The following TBC1D2 variants were observed in gnomAD, a reference collection of about 807,000 sequenced individuals.
TBC1D2 encodes TBC1 domain family member 2A.
TBC1D2 carries 58 observed loss-of-function variants against 91.1 expected under a neutral mutation model. The ratio of observed to expected loss-of-function variants is 0.64; its 90% CI spans 0.52 to 0.79. TBC1D2 has a LOEUF of 0.79. TBC1D2 is among the 30% of genes least tolerant of loss of function. TBC1D2 has a pLI of 0.00. For missense variants in TBC1D2, 1,080 were observed against 1,208.3 expected (o/e 0.89, Z 1.57); for synonymous variants, 482 against 511.5 (o/e 0.94, Z 0.78).
In TBC1D2 at chr9:98,228,886, T is replaced by A; in HGVS notation, c.978+66A>T. On this transcript the variant is annotated intron_variant, in intron 5 of 12. Transcript: ENST00000465784. The surrounding 1 kb of genome is among the most constrained non-coding windows in gnomAD (Gnocchi z 4.0). ...CGGCTAATGCGTCCCATCTAGCTTATCCGAAAGGCTCCAGGAACTGGAGGG... is the reference window on the plus strand; with the variant it reads ...CGGCTAATGCGTCCCATCTAGCTTAACCGAAAGGCTCCAGGAACTGGAGGG... 1 of 1,519,994 alleles carries A rather than the reference T, an allele frequency of 6.6e-7. No homozygotes were observed. The highest frequency in any genetic ancestry group is 9.0e-7 in the Non-Finnish European group (1 of 1,114,118). The allele number at this position is 1,519,994 out of a possible 1,614,324, so 94.2% of individuals were successfully genotyped here.
intron 12 of TBC1D2, among the ~76,000 whole-genome samples, chr9:98,200,025 G>T (rs1433594644): frequency 2.6e-5 from 4 of 152,170 alleles, no homozygotes; most frequent in African/African-American, 9.7e-5. Flanking sequence ...GGGTGTTCAG[G>T]GTAGGGGAAG....
chr9:98,199,545 T>C lies in TBC1D2; in HGVS notation c.2623A>G (p.Met875Val), dbSNP rs954279608. Reference sequence around the variant, plus strand: ...ATGCGCAGCTGCCGCAGCTGTTTCATGCGGAAGGGGTTCATGTCATTGAAG... The same window carrying C: ...ATGCGCAGCTGCCGCAGCTGTTTCACGCGGAAGGGGTTCATGTCATTGAAG... ...IAFNDMNPFR[M>V]KQLRQLRMVH... is the part of the protein sequence containing the mutation. The change falls in exon 13 of 13, where the codon ATG (methionine) becomes GTG (valine). Residue 875 changes from methionine to valine, a missense_variant. Transcript: ENST00000465784. 4 of 1,614,008 alleles carry C rather than the reference T, an allele frequency of 2.5e-6. No homozygotes were observed. Among genetic ancestry groups the C allele is most frequent in the Middle Eastern group, 1.6e-4 (1 of 6,084 alleles).
chr9:98,232,360 G>A (rs186789533), intron 4 of TBC1D2, among the ~76,000 whole-genome samples: 6 of 34,658 alleles, frequency 1.7e-4, no homozygotes, highest in Admixed American at 9.9e-4. Flanking sequence ...TTTTGACAGT[G>A]TCTCACTCTG....
At chr9:98,205,139 G>A (rs564154519) in intron 9 of TBC1D2, among the ~76,000 whole-genome samples, 1 of 152,326 alleles carries the variant, frequency 6.6e-6, no homozygotes, top group East Asian at 1.9e-4. Context: ...TGGTGGCAGA[G>A]TGGAAACAGA....
At chr9:98,240,559 C>T (rs1471054292) in intron 3 of TBC1D2, among the ~76,000 whole-genome samples, 1 of 152,186 alleles carries the variant, frequency 6.6e-6, no homozygotes, top group Non-Finnish European at 1.5e-5. Context: ...CCACAAGTCA[C>T]ATGAGTTGGA....
In TBC1D2 at chr9:98,228,896, T is replaced by C; in HGVS notation, c.978+56A>G. The C allele has an allele frequency of 6.4e-7, 1 of 1,561,738 alleles. No individual in the cohort carries two copies. The highest frequency in any genetic ancestry group is 8.7e-7 in the Non-Finnish European group (1 of 1,144,580). On this transcript the variant is annotated intron_variant, in intron 5 of 12. Transcript: ENST00000465784. This position sits in a 1 kb window ranked among gnomAD's most constrained non-coding sequence, Gnocchi z 4.0. Reference sequence around the variant, plus strand: ...GTCCCATCTAGCTTATCCGAAAGGCTCCAGGAACTGGAGGGGTCCACTGGA... The same window carrying C: ...GTCCCATCTAGCTTATCCGAAAGGCCCCAGGAACTGGAGGGGTCCACTGGA...
rs777536510 is a variant in TBC1D2 at position 98,233,513 on chromosome 9, G to T, written c.684C>A (p.Ala228=). 30 of 1,614,116 alleles carry T rather than the reference G, an allele frequency of 1.9e-5. 1 individual carries two copies. The East Asian group carries it at 6.7e-4, about 36-fold the overall frequency. ...TMHNIRGNKQ[A]QGTGHEPPGE... ...CTGGAGGTTCATGGCCTGTTCCCTG[G>T]GCCTGCTTGTTGCCACGGATGTTGT... Residue 228 remains alanine (A), a synonymous_variant, in exon 4 of 13, where the codon GCC becomes GCA. Transcript: ENST00000465784.
chr9:98,220,681 T>C (rs1588043507), intron 6 of TBC1D2, 152 bp downstream of exon 6: 1 of 1,014,170 alleles, frequency 9.9e-7, no homozygotes, highest in East Asian at 2.5e-5. Context: ...AGAGCAATAT[T>C]CCCATCAACA....
Position 98,228,357 on chromosome 9 carries a change from G to A in TBC1D2, c.978+595C>T, listed in dbSNP as rs1251781265. Among the ~76,000 whole-genome samples the A allele has an allele frequency of 6.6e-6, 1 of 152,248 alleles. No homozygotes were observed. The highest frequency in any genetic ancestry group is 2.4e-5 in the African/African-American group (1 of 41,462). On this transcript the variant is annotated intron_variant, in intron 5 of 12. Transcript: ENST00000465784. The surrounding 1 kb of genome is among the most constrained non-coding windows in gnomAD (Gnocchi z 4.0). ...CTCTGGGATGTAGGATTTTGGAGTA[G>A]TTTTAATGTCTGTGTGTATGAGATC...
chr9:98,202,055 T>C (rs1449853175), intron 10 of TBC1D2, among the ~76,000 whole-genome samples: 3 of 152,202 alleles, frequency 2.0e-5, no homozygotes, highest in African/African-American at 7.2e-5. Flanking sequence ...AATGGAAGCT[T>C]TGTCTCTAGG....
At chr9:98,224,022 ACC>A (rs1199854510) in intron 5 of TBC1D2, among the ~76,000 whole-genome samples, 2 of 151,710 alleles carry the variant, frequency 1.3e-5, no homozygotes, top group African/African-American at 4.8e-5. Flanking sequence ...ACATGGTGAA[ACC>A]CCGTCTCTAC....
chr9:98,212,657 A>G (rs1312913882), intron 7 of TBC1D2, among the ~76,000 whole-genome samples: 1 of 152,126 alleles, frequency 6.6e-6, no homozygotes, highest in African/African-American at 2.4e-5. Context: ...GCCCGCCACC[A>G]TGCCCGGCTA....
At chr9:98,206,139 G>A (rs1325329120) in intron 9 of TBC1D2, among the ~76,000 whole-genome samples, 1 of 151,706 alleles carries the variant, frequency 6.6e-6, no homozygotes, top group Non-Finnish European at 1.5e-5. Flanking sequence ...TGTATTTTTA[G>A]TAGAGACAAG....
chr9:98,225,464 G>A (rs1829209167), intron 5 of TBC1D2, among the ~76,000 whole-genome samples: 1 of 152,126 alleles, frequency 6.6e-6, no homozygotes, highest in Non-Finnish European at 1.5e-5. Context: ...GTCTCATAGT[G>A]GGCCTCACCA....
chr9:98,245,991 G>T (rs766694897), intron 2 of TBC1D2, among the ~76,000 whole-genome samples: 94 of 152,312 alleles, frequency 6.2e-4, no homozygotes, highest in Admixed American at 1.9e-3. Flanking sequence ...TCTTCCAAAT[G>T]TTCTGTTTAA....
chr9:98,208,668 C>G lies in TBC1D2; in HGVS notation c.2150G>C (p.Arg717Thr). 6.6e-7 allele frequency: 1 copy of G among 1,517,242 alleles called. No homozygotes were observed. Among genetic ancestry groups the G allele is most frequent in the Non-Finnish European group, 8.8e-7 (1 of 1,131,516 alleles). The allele number at this position is 1,517,242 out of a possible 1,614,324, so 94.0% of individuals were successfully genotyped here. Reference sequence around the variant, plus strand: ...CCTTCACTGGGCTTTGGTGGCTTACCTGTTCAGGCCCTGGCAGTAGCCGAT... The same window carrying G: ...CCTTCACTGGGCTTTGGTGGCTTACGTGTTCAGGCCCTGGCAGTAGCCGAT... ...PTIGYCQGLN[R>T]LAAIALLVLE... is the part of the protein sequence containing the mutation. The change falls in exon 9 of 13, where the codon AGG becomes ACG. Residue 717 changes from arginine to threonine, a missense_variant and splice_region_variant. Physicochemically the swap from Arg to Thr is moderately conservative, Grantham distance 71 (BLOSUM62 -1). Coordinates refer to ENST00000465784, the MANE Select transcript of TBC1D2 (RefSeq NM_001267571.2).
intron 9 of TBC1D2, among the ~76,000 whole-genome samples, chr9:98,206,756 C>G (rs1480034837): frequency 1.3e-5 from 2 of 152,224 alleles, no homozygotes; most frequent in Non-Finnish European, 2.9e-5. Context: ...CAGACCCTCT[C>G]ATGTCTCATC....
chr9:98,219,958 C>G (rs1272786546), intron 6 of TBC1D2, among the ~76,000 whole-genome samples: 1 of 152,170 alleles, frequency 6.6e-6, no homozygotes, highest in Non-Finnish European at 1.5e-5. Flanking sequence ...CCTGTCACAA[C>G]CCTTTAGAGA....
At chr9:98,201,156 G>A (rs1363733929) in intron 11 of TBC1D2, among the ~76,000 whole-genome samples, 6 of 152,246 alleles carry the variant, frequency 3.9e-5, no homozygotes, top group African/African-American at 1.4e-4. Flanking sequence ...CCTGAGCTCC[G>A]ATCTCTTAAT....
Sources: allele counts gnomAD v4.1 joint callset (sites outside exome capture counted in the v4.1 genomes callset), GRCh38; gene constraint gnomAD v4.1.1; non-coding constraint Gnocchi (gnomAD v3.1); transcripts MANE v1.5; gene names NCBI Gene and HGNC (gene_info 2026-07-23, HGNC 2026-07-21).